Variants in ATP8A1 observed in about 807,000 individuals in gnomAD.
The protein encoded by ATP8A1 is phospholipid-transporting ATPase IA.
A neutral mutation model predicts 177.7 loss-of-function variants in ATP8A1; 90 were observed. The observed-to-expected ratio is 0.51, with a 90% CI of 0.43 to 0.60. ATP8A1 has a LOEUF of 0.60. Among genes scored for constraint, ATP8A1 ranks in the 20% least tolerant of loss-of-function variants. The pLI is 0.00. For synonymous variants in ATP8A1, 493 were observed against 485.9 expected (o/e 1.01, Z -0.19); for missense variants, 1,072 against 1,392.8 (o/e 0.77, Z 3.67).
intron 22 of ATP8A1, among the ~76,000 whole-genome samples, chr4:42,513,127 C>T (rs750438774): frequency 1.3e-5 from 2 of 152,138 alleles, no homozygotes; most frequent in Non-Finnish European, 2.9e-5. Flanking sequence ...ATCTTTGCAC[C>T]TGGCTCCATC....
intron 27 of ATP8A1, among the ~76,000 whole-genome samples, chr4:42,456,830 A>G (rs1718540972): frequency 6.6e-6 from 1 of 152,158 alleles, no homozygotes; most frequent in Non-Finnish European, 1.5e-5. Context: ...GGAATTTGCT[A>G]CACTTCACGT....
intron 17 of ATP8A1, among the ~76,000 whole-genome samples, chr4:42,552,236 T>C (rs189039941): frequency 6.3e-4 from 96 of 152,338 alleles, no homozygotes; most frequent in African/African-American, 2.2e-3. Flanking sequence ...ATTATGTGTA[T>C]GTAAAAAAGT....
rs1422818636 is a variant in ATP8A1, at chr4:42,409,768, T to C, written c.*3148A>G. On this transcript the variant is annotated 3_prime_UTR_variant, in exon 37 of 37. Transcript: ENST00000381668. ...TTTAAATGACAAGTTGTAAGTGTTG[T>C]ACAGTGCACGCAATGCAAAACAAAT... 6.6e-6 allele frequency: 1 copy of C among 152,182 alleles called. No individual in the cohort carries two copies. The highest frequency in any genetic ancestry group is 1.5e-5 in the Non-Finnish European group (1 of 67,996). The allele number at this position is 152,182 out of a possible 1,614,324, so 9.4% of individuals were successfully genotyped here.
chr4:42,569,055 T>TTA (rs979553858), intron 15 of ATP8A1, 106 bp downstream of exon 15: 10 of 474,366 alleles, frequency 2.1e-5, no homozygotes, highest in African/African-American at 1.7e-4. Flanking sequence ...AATATTTTAT[T>TTA]TATATATATA....
In ATP8A1 at chr4:42,625,915, ATTT is replaced by A. The variant is rs56082708; in HGVS notation, c.165-205_165-203del. On this transcript the variant is annotated intron_variant, in intron 2 of 36. Transcript: ENST00000381668. The stretch of plus-strand genomic sequence containing the variant: ...AAATGGTAAAGCATGAATACCACAG[ATTT>A]TTTTTTTTTTGCATAATCTTTTGTC... The A allele has an allele frequency of 9.0e-3, 2,800 of 311,846 alleles. 25 individuals carry two copies. The highest frequency in any genetic ancestry group is 0.027 in the South Asian group (354 of 13,308). 19.3% of individuals were successfully genotyped at this position (311,846 alleles called of 1,614,324 possible).
At chr4:42,621,025 C>A (rs1312390634) in intron 4 of ATP8A1, among the ~76,000 whole-genome samples, 1 of 152,150 alleles carries the variant, frequency 6.6e-6, no homozygotes, top group Non-Finnish European at 1.5e-5. Context: ...TTAGGCTAAA[C>A]AAAGAAAAGG....
intron 5 of ATP8A1, among the ~76,000 whole-genome samples, chr4:42,612,701 G>A (rs1472241587): frequency 2.0e-5 from 3 of 151,886 alleles, no homozygotes; most frequent in Admixed American, 6.6e-5. Context: ...TTCTGAGTTA[G>A]GTCTCAGCTC....
chr4:42,457,414 T>C (rs1718602064), intron 27 of ATP8A1, among the ~76,000 whole-genome samples: 1 of 152,204 alleles, frequency 6.6e-6, no homozygotes, highest in South Asian at 2.1e-4. Context: ...TAATTCATTC[T>C]AAAAAGCTCT....
intron 22 of ATP8A1, among the ~76,000 whole-genome samples, chr4:42,517,035 T>C (rs1314948641): frequency 6.6e-6 from 1 of 152,160 alleles, no homozygotes; most frequent in African/African-American, 2.4e-5. Flanking sequence ...GCACGGTGGC[T>C]CAGGCCTGTA....
intron 5 of ATP8A1, among the ~76,000 whole-genome samples, chr4:42,614,903 C>CT (rs1305355854): frequency 6.6e-6 from 1 of 152,200 alleles, no homozygotes; most frequent in African/African-American, 2.4e-5. Context: ...AATTCAAGGT[C>CT]TAGCTCAAGA....
intron 19 of ATP8A1, among the ~76,000 whole-genome samples, chr4:42,546,340 C>G (rs1241667853): frequency 6.7e-6 from 1 of 148,866 alleles, no homozygotes; most frequent in Non-Finnish European, 1.5e-5. Flanking sequence ...GACAAAAAAC[C>G]AAACATCACA....
chr4:42,599,301 C>G (rs1031448728), intron 6 of ATP8A1, among the ~76,000 whole-genome samples: 3 of 152,056 alleles, frequency 2.0e-5, no homozygotes, highest in Admixed American at 2.0e-4. Flanking sequence ...TATATCCTAC[C>G]TGTCTTCTTT....
rs907100159 is a variant in ATP8A1, at chr4:42,543,808, G to A, written c.1722+109C>T. 2.1e-5 allele frequency: 15 copies of A among 718,662 alleles called. No individual in the cohort carries two copies. The African/African-American group carries it at 2.4e-4, about 11-fold the overall frequency. The allele number at this position is 718,662 out of a possible 1,614,324, so 44.5% of individuals were successfully genotyped here. ...CTATAAAACACCAACAAAAGTGGAT[G>A]TCAGCAACTTCATGTTAAACATCTG... On this transcript the variant is annotated intron_variant, in intron 20 of 36. Coordinates refer to ENST00000381668, the MANE Select transcript of ATP8A1 (RefSeq NM_006095.2).
At chr4:42,424,859 T>C in intron 33 of ATP8A1, among the ~76,000 whole-genome samples, 1 of 152,208 alleles carries the variant, frequency 6.6e-6, no homozygotes, top group Non-Finnish European at 1.5e-5. Flanking sequence ...AATAAAAACA[T>C]GCTATTACAA....
At chr4:42,626,765 C>T (rs1738144261) in intron 2 of ATP8A1, 2 of 538,188 alleles carry the variant, frequency 3.7e-6, no homozygotes, top group South Asian at 2.1e-5. Context: ...AATATCTATG[C>T]AGCATCGGCA....
intron 20 of ATP8A1, among the ~76,000 whole-genome samples, chr4:42,535,358 AAGACAAAG>A (rs1727706601): frequency 1.3e-5 from 2 of 152,346 alleles, no homozygotes; most frequent in South Asian, 4.1e-4. Flanking sequence ...ACAGCAGTAA[AAGACAAAG>A]AGGGACATTA....
chr4:42,625,683 A>T lies in ATP8A1; in HGVS notation c.195T>A (p.Leu65=). Residue 65 remains leucine (L), a synonymous_variant, in exon 3 of 37, where the codon CTT becomes CTA. Transcript: ENST00000381668. ...STAKYNIITF[L]PRFLYSQFRR... is the part of the protein sequence containing the mutation. ...TGAACTGAGAGTAGAGAAATCTTGGAAGGAATGTGATTATGTTGTATTTTG... is the reference window on the plus strand; with the variant it reads ...TGAACTGAGAGTAGAGAAATCTTGGTAGGAATGTGATTATGTTGTATTTTG... 1 of 1,607,584 alleles carries T rather than the reference A, an allele frequency of 6.2e-7. No individual in the cohort carries two copies. Among genetic ancestry groups the T allele is most frequent in the Non-Finnish European group, 8.5e-7 (1 of 1,176,824 alleles).
At chr4:42,631,067 T>C (rs1435228135) in intron 1 of ATP8A1, among the ~76,000 whole-genome samples, 3 of 152,226 alleles carry the variant, frequency 2.0e-5, no homozygotes, top group African/African-American at 4.8e-5. Flanking sequence ...GGGTGAATAA[T>C]GATACAGTCA....
chr4:42,476,775 A>C (rs946277976), intron 25 of ATP8A1, among the ~76,000 whole-genome samples: 3 of 152,210 alleles, frequency 2.0e-5, no homozygotes, highest in Non-Finnish European at 4.4e-5. Flanking sequence ...GAAGGGAGCC[A>C]GCCTAGAAGA....
Sources: allele counts gnomAD v4.1 joint callset (sites outside exome capture counted in the v4.1 genomes callset), GRCh38; gene constraint gnomAD v4.1.1; transcripts MANE v1.5; gene names NCBI Gene and HGNC (gene_info 2026-07-23, HGNC 2026-07-21).